The following SNX29 variants were observed in gnomAD, a reference collection of about 807,000 sequenced individuals.
The protein encoded by SNX29 is sorting nexin 29.
In SNX29, 78 loss-of-function variants were observed where a neutral mutation model predicts 102.1. The observed-to-expected ratio is 0.76, with a 90% CI of 0.64 to 0.92. The LOEUF is 0.92. SNX29 is among the 40% of genes least tolerant of loss of function. SNX29 has a pLI of 0.00. For missense variants in SNX29, 1,280 were observed against 1,061.7 expected (o/e 1.21, Z -2.86); for synonymous variants, 580 against 414.5 (o/e 1.40, Z -4.85).
In SNX29 at chr16:12,017,113, A is replaced by T. The variant is rs2056873059; in HGVS notation, c.123-10207A>T. Among the ~76,000 whole-genome samples the T allele has an allele frequency of 2.6e-5, 4 of 152,304 alleles. No individual in the cohort carries two copies. The East Asian group carries it at 7.7e-4, about 29-fold the overall frequency. On this transcript the variant is annotated intron_variant, in intron 3 of 20. Coordinates refer to ENST00000566228, the MANE Select transcript of SNX29 (RefSeq NM_032167.5). Reference sequence around the variant, plus strand: ...CACTGCACTCCAGTGTGGGTGACAGAATGAGACCCTATCTCAACAACAGCA... The same window carrying T: ...CACTGCACTCCAGTGTGGGTGACAGTATGAGACCCTATCTCAACAACAGCA...
intron 14 of SNX29, among the ~76,000 whole-genome samples, chr16:12,255,511 G>T (rs1485305389): frequency 6.6e-6 from 1 of 152,060 alleles, no homozygotes; most frequent in Non-Finnish European, 1.5e-5. Flanking sequence ...CTGAAGCTTT[G>T]TACTTTTTGA....
In SNX29 at chr16:12,061,644, C is replaced by T. The variant is rs2050780821; in HGVS notation, c.1241C>T (p.Ala414Val). The change falls in exon 9 of 21, where the codon GCA becomes GTA. Residue 414 changes from alanine (A) to valine (V), a missense_variant and splice_region_variant. By Grantham distance (64) the Ala-to-Val change is moderately conservative. Coordinates refer to ENST00000566228, the MANE Select transcript of SNX29 (RefSeq NM_032167.5). ...PVSGVGSYSP[A>V]DAPLGSLENG... The stretch of plus-strand genomic sequence containing the variant: ...AGTGGCGTGGGCTCCTACAGCCCAG[C>T]AGGTGGGTGTCTCCCGATTACTCCT... 2.5e-6 allele frequency: 4 copies of T among 1,608,588 alleles called. No homozygotes were observed. In the South Asian group the frequency reaches 3.3e-5, roughly 13 times the overall value.
chr16:12,019,585 T>A (rs938341285), intron 3 of SNX29, among the ~76,000 whole-genome samples: 5 of 140,290 alleles, frequency 3.6e-5, no homozygotes, highest in African/African-American at 1.4e-4. Context: ...TATGTAAATA[T>A]ATATATATAG....
intron 18 of SNX29, among the ~76,000 whole-genome samples, chr16:12,452,041 G>A (rs114445716): frequency 0.025 from 3,853 of 152,246 alleles, 171 homozygotes; most frequent in African/African-American, 0.088. Flanking sequence ...GCTTTGGACA[G>A]TTATTGAGCC....
intron 19 of SNX29, among the ~76,000 whole-genome samples, chr16:12,487,433 C>T (rs2088301649): frequency 6.6e-6 from 1 of 152,176 alleles, no homozygotes. Context: ...TATCAGGCTC[C>T]ATATAAAGTG....
intron 4 of SNX29, among the ~76,000 whole-genome samples, chr16:12,034,293 C>G (rs1230803834): frequency 2.0e-5 from 3 of 152,212 alleles, no homozygotes; most frequent in Non-Finnish European, 4.4e-5. Flanking sequence ...AGTCCAGTTC[C>G]TCACTCGCCC....
intron 14 of SNX29, among the ~76,000 whole-genome samples, chr16:12,235,399 G>T (rs1383077399): frequency 6.6e-6 from 1 of 152,148 alleles, no homozygotes; most frequent in Non-Finnish European, 1.5e-5. Flanking sequence ...AATTTGGTTA[G>T]GAAGCGGCAG....
In SNX29 at chr16:12,572,055, G is replaced by A. The variant is rs931934403; in HGVS notation, c.*3426G>A. 13 of 1,063,478 alleles carry A rather than the reference G, an allele frequency of 1.2e-5. No homozygotes were observed. In the African/African-American group the frequency reaches 2.0e-4, roughly 16 times the overall value. 65.9% of individuals were successfully genotyped at this position (1,063,478 alleles called of 1,614,324 possible). A position where few individuals can be genotyped will look rare whatever the true frequency, so the allele number is the denominator to read the frequency against. On this transcript the variant is annotated 3_prime_UTR_variant, in exon 21 of 21. Transcript: ENST00000566228. ...TCATCCAGTGGAGTTGTAAACAAGG[G>A]AACCATCTTGCAAGATCTAGGAAGA...
chr16:12,515,594 T>G, intron 19 of SNX29: 1 of 489,626 alleles, frequency 2.0e-6, no homozygotes, highest in Non-Finnish European at 4.1e-6. Flanking sequence ...AATCTTCAGG[T>G]GACCTCCGAA....
intron 11 of SNX29, among the ~76,000 whole-genome samples, chr16:12,084,182 A>G (rs1159540277): frequency 1.3e-5 from 2 of 150,194 alleles, no homozygotes; most frequent in South Asian, 2.1e-4. Flanking sequence ...TGTTGCTCTT[A>G]TCGCCCAGGC....
At chr16:12,283,818 G>A (rs2079509627) in intron 15 of SNX29, among the ~76,000 whole-genome samples, 1 of 152,204 alleles carries the variant, frequency 6.6e-6, no homozygotes, top group Non-Finnish European at 1.5e-5. Context: ...TATACCCACA[G>A]GCCTGGAGCT....
At chr16:12,441,089 C>CTTTTTT (rs34125065) in intron 18 of SNX29, among the ~76,000 whole-genome samples, 3 of 102,712 alleles carry the variant, frequency 2.9e-5, no homozygotes, top group Non-Finnish European at 1.9e-5. Flanking sequence ...TACTTCATTC[C>CTTTTTT]TTTTTTTTTT....
chr16:12,369,534 G>T (rs2082607147), intron 16 of SNX29, among the ~76,000 whole-genome samples: 1 of 152,156 alleles, frequency 6.6e-6, no homozygotes, highest in South Asian at 2.1e-4. Flanking sequence ...TCTGGGCCAG[G>T]TCCTCTCCTG....
At chr16:12,067,914 C>A (rs929717007) in intron 9 of SNX29, among the ~76,000 whole-genome samples, 1 of 152,206 alleles carries the variant, frequency 6.6e-6, no homozygotes, top group Non-Finnish European at 1.5e-5. Flanking sequence ...GAAAATTGTT[C>A]AGGTCCCTAG....
At chr16:12,035,230 A>G (rs1354822119) in intron 4 of SNX29, among the ~76,000 whole-genome samples, 2 of 147,672 alleles carry the variant, frequency 1.4e-5, no homozygotes, top group African/African-American at 5.0e-5. Context: ...TTTTTAAATA[A>G]GAGACAGGGT....
intron 20 of SNX29, among the ~76,000 whole-genome samples, chr16:12,562,682 C>G (rs892344275): frequency 1.4e-4 from 21 of 152,184 alleles, no homozygotes; most frequent in African/African-American, 3.9e-4. Flanking sequence ...TTTACAGGCA[C>G]TGCCTTCTTT....
At chr16:12,555,305 C>T (rs533766300) in intron 20 of SNX29, among the ~76,000 whole-genome samples, 72 of 151,506 alleles carry the variant, frequency 4.8e-4, no homozygotes, top group African/African-American at 1.6e-3. Context: ...TCCAGTCAAT[C>T]CCTCTCATAG....
chr16:12,117,885 G>A (rs2053800668), intron 11 of SNX29, among the ~76,000 whole-genome samples: 1 of 152,170 alleles, frequency 6.6e-6, no homozygotes, highest in African/African-American at 2.4e-5. Context: ...CACAAGGTCA[G>A]GAGATTGAGA....
intron 19 of SNX29, among the ~76,000 whole-genome samples, chr16:12,509,054 C>T (rs1020331231): frequency 6.6e-6 from 1 of 152,124 alleles, no homozygotes; most frequent in African/African-American, 2.4e-5. Context: ...CCATTATGGT[C>T]TCTCTGCCCA....
Sources: allele counts gnomAD v4.1 joint callset (sites outside exome capture counted in the v4.1 genomes callset), GRCh38; gene constraint gnomAD v4.1.1; transcripts MANE v1.5; gene names NCBI Gene and HGNC (gene_info 2026-07-23, HGNC 2026-07-21).